PARD3B: variants seen among roughly 807,000 people sequenced by gnomAD.
PARD3B encodes par-3 family cell polarity regulator beta, also known as partitioning defective 3 homolog B.
Under a neutral mutation model 130.2 loss-of-function variants are expected in PARD3B, and 103 were observed. The observed-to-expected ratio is 0.79, with a 90% CI of 0.67 to 0.93. The LOEUF is 0.93. Among genes scored for constraint, PARD3B ranks in the 40% least tolerant of loss-of-function variants. PARD3B has a pLI of 0.00. For missense variants in PARD3B, 1,609 were observed against 1,499.2 expected, an observed-to-expected ratio of 1.07 and a Z score of -1.21; for synonymous variants, 583 against 553.2, an observed-to-expected ratio of 1.05 and a Z score of -0.76.
intron 13 of PARD3B, among the ~76,000 whole-genome samples, chr2:205,178,427 G>A (rs1043313533): frequency 3.9e-5 from 6 of 152,096 alleles, no homozygotes; most frequent in Admixed American, 3.9e-4. Flanking sequence ...TACTCTGGGC[G>A]ACAGAGCAAG....
chr2:205,203,698 C>T lies in PARD3B; in HGVS notation c.2140+10378C>T, dbSNP rs562598383. On this transcript the variant is annotated intron_variant, in intron 15 of 22. Transcript: ENST00000406610. ...ACTGCCACTTATGAGTGAGAACATG[C>T]GGTATTTAGTTTTCTGTTCCTGTGT... Among the ~76,000 whole-genome samples, 6 of 152,178 alleles carry T rather than the reference C, an allele frequency of 3.9e-5. No homozygotes were observed. In the East Asian group the frequency reaches 5.8e-4, roughly 15 times the overall value.
In PARD3B at chr2:204,545,930, A is replaced by G; in HGVS notation, c.-70A>G. On this transcript the variant is annotated 5_prime_UTR_variant, in exon 1 of 23. Transcript: ENST00000406610. ...GCCCACCCGCCCCGGGCGTCCTCCG[A>G]GAGTGGGGGCTGCGCCCGCGGGGTC... is the stretch of plus-strand genomic sequence containing the variant. 6.3e-6 allele frequency: 9 copies of G among 1,435,870 alleles called. No homozygotes were observed. Among genetic ancestry groups the G allele is most frequent in the Non-Finnish European group, 8.2e-6 (9 of 1,095,522 alleles). The allele number at this position is 1,435,870 out of a possible 1,614,324, so 88.9% of individuals were successfully genotyped here.
intron 15 of PARD3B, among the ~76,000 whole-genome samples, chr2:205,211,196 G>T (rs538079649): frequency 6.6e-6 from 1 of 152,146 alleles, no homozygotes; most frequent in East Asian, 1.9e-4. Context: ...CAGCAGTGCT[G>T]GCTGCTTTAG....
At position 205,572,060 on chromosome 2, in the gene PARD3B, GA is replaced by G. The variant is rs1184350803; in HGVS notation, c.3260+18658del. On this transcript the variant is annotated intron_variant, in intron 22 of 22. Coordinates refer to ENST00000406610, the MANE Select transcript of PARD3B (RefSeq NM_001302769.2). This position sits in a 1 kb window ranked among gnomAD's most constrained non-coding sequence, Gnocchi z 4.2. ...TTTGTTTATTGTTCTGAAGTTCTAT[GA>G]GCATGAAGGTAGAGAGTTGAGTCTT... 6.6e-6 allele frequency among the ~76,000 whole-genome samples: 1 copy of G among 152,148 alleles called. No homozygotes were observed. Among genetic ancestry groups the G allele is most frequent in the African/African-American group, 2.4e-5 (1 of 41,426 alleles).
At chr2:205,137,346 C>G (rs947700544) in intron 10 of PARD3B, among the ~76,000 whole-genome samples, 2 of 152,018 alleles carry the variant, frequency 1.3e-5, no homozygotes, top group African/African-American at 2.4e-5. Context: ...GAACATCTTT[C>G]CGAAGGCAGG....
chr2:205,342,269 T>C (rs1458851210), intron 18 of PARD3B, among the ~76,000 whole-genome samples: 1 of 152,186 alleles, frequency 6.6e-6, no homozygotes, highest in East Asian at 1.9e-4. Context: ...ATCCCGTCTC[T>C]ACAATTTAAT....
intron 21 of PARD3B, among the ~76,000 whole-genome samples, chr2:205,531,880 C>A (rs951878692): frequency 6.6e-6 from 1 of 152,114 alleles, no homozygotes; most frequent in African/African-American, 2.4e-5. Context: ...TTTGCACGCT[C>A]TCCGCAGAGT....
At chr2:205,139,741 A>C (rs2032793144) in intron 10 of PARD3B, among the ~76,000 whole-genome samples, 1 of 152,198 alleles carries the variant, frequency 6.6e-6, no homozygotes, top group Non-Finnish European at 1.5e-5. Context: ...TAAAAAAAAA[A>C]ACTGAGTATG....
chr2:204,812,719 G>A (rs116458455), intron 2 of PARD3B, among the ~76,000 whole-genome samples: 132 of 152,274 alleles, frequency 8.7e-4, no homozygotes, highest in African/African-American at 3.0e-3. Flanking sequence ...CCTAGTGCAC[G>A]TGCTACAGCC....
At chr2:204,602,818 T>C (rs1285915755) in intron 1 of PARD3B, among the ~76,000 whole-genome samples, 1 of 152,086 alleles carries the variant, frequency 6.6e-6, no homozygotes, top group Non-Finnish European at 1.5e-5. Context: ...CGACCACTCA[T>C]TTGGTCGTTT....
chr2:204,780,010 T>C (rs954483294), intron 2 of PARD3B, among the ~76,000 whole-genome samples: 4 of 152,196 alleles, frequency 2.6e-5, no homozygotes, highest in Admixed American at 2.6e-4. Flanking sequence ...TGTGATTGCA[T>C]GGCTGTTATT....
At chr2:205,273,031 A>C (rs1261975844) in intron 16 of PARD3B, among the ~76,000 whole-genome samples, 1 of 152,198 alleles carries the variant, frequency 6.6e-6, no homozygotes, top group Non-Finnish European at 1.5e-5. Context: ...TTTTCCCCTA[A>C]ATTTAACTTA....
At chr2:204,797,285 A>C (rs2042409303) in intron 2 of PARD3B, among the ~76,000 whole-genome samples, 1 of 152,156 alleles carries the variant, frequency 6.6e-6, no homozygotes, top group South Asian at 2.1e-4. Context: ...TAACATATGA[A>C]ATAACTTTTT....
At chr2:205,327,305 C>T (rs146247239) in intron 18 of PARD3B, among the ~76,000 whole-genome samples, 83 of 152,262 alleles carry the variant, frequency 5.5e-4, no homozygotes, top group African/African-American at 1.9e-3. Context: ...TCATTTTTAT[C>T]GCTAACGGGG....
intron 5 of PARD3B, 60 bp from the exon 6 acceptor site, chr2:205,113,431 A>T: frequency 9.3e-7 from 1 of 1,076,116 alleles, no homozygotes; most frequent in Admixed American, 1.8e-5. Flanking sequence ...TGTATTTTAG[A>T]TGTGCTCCCT....
rs963276471 is a variant in PARD3B at position 205,395,473 on chromosome 2, G to A, written c.2631-5540G>A. Among the ~76,000 whole-genome samples the A allele has an allele frequency of 2.6e-5, 4 of 151,956 alleles. No homozygotes were observed. The East Asian group carries it at 7.7e-4, about 29-fold the overall frequency. Reference sequence around the variant, plus strand: ...CTCTTGCTGTTCTTTCTCTATCTCTGTTGTCCACCTGCCTCTCCCCCAACC... The same window carrying A: ...CTCTTGCTGTTCTTTCTCTATCTCTATTGTCCACCTGCCTCTCCCCCAACC... On this transcript the variant is annotated intron_variant, in intron 18 of 22. Coordinates refer to ENST00000406610, the MANE Select transcript of PARD3B (RefSeq NM_001302769.2).
rs1206633972 is a variant in PARD3B, at chr2:205,300,701, A to T, written c.2357A>T (p.Asp786Val). ...GCNESFRAAI[D>V]KSYDGPEEIE... is the part of the protein sequence containing the mutation. ...AATGAGAGCTTTAGAGCAGCCATTG[A>T]CAAATCCTACGATGGACCTGAAGAA... The change falls in exon 17 of 23, where the codon GAC becomes GTC. Residue 786 changes from aspartate to valine, a missense_variant. By Grantham distance (152) the Asp-to-Val change is radical. Coordinates refer to ENST00000406610, the MANE Select transcript of PARD3B (RefSeq NM_001302769.2). The surrounding 1 kb of genome is among the most constrained non-coding windows in gnomAD (Gnocchi z 4.1). 1 of 1,613,674 alleles carries T rather than the reference A, an allele frequency of 6.2e-7. No individual in the cohort carries two copies. The highest frequency in any genetic ancestry group is 8.5e-7 in the Non-Finnish European group (1 of 1,179,822).
In PARD3B at chr2:204,629,627, A is replaced by G. The variant is rs531577194; in HGVS notation, c.121-56554A>G. ...TTACAGCTATAGTAACCATAGTAGC[A>G]GCAGCAACAACACTTGTATAATGCC... On this transcript the variant is annotated intron_variant, in intron 1 of 22. Transcript: ENST00000406610. Among the ~76,000 whole-genome samples, 238 of 152,028 alleles carry G rather than the reference A, an allele frequency of 1.6e-3. 2 individuals carry two copies. The highest frequency in any genetic ancestry group is 5.6e-3 in the African/African-American group (232 of 41,588).
At chr2:205,368,152 A>G (rs1476820823) in intron 18 of PARD3B, among the ~76,000 whole-genome samples, 2 of 152,190 alleles carry the variant, frequency 1.3e-5, no homozygotes, top group Non-Finnish European at 2.9e-5. Context: ...TGGGGGACAA[A>G]ATAGCATACA....
Sources: gnomAD v4.1 joint callset for allele counts (sites outside exome capture counted in the v4.1 genomes callset) on GRCh38, gnomAD v4.1.1 for gene constraint, Gnocchi (gnomAD v3.1) non-coding constraint, MANE v1.5 for transcripts, NCBI Gene and HGNC (gene_info 2026-07-23, HGNC 2026-07-21) for gene names.